SLC26A7: variants seen among roughly 807,000 people sequenced by gnomAD.
The protein encoded by SLC26A7 is solute carrier family 26 member 7, also known as anion exchange transporter.
In SLC26A7, 59 loss-of-function variants were observed where a neutral mutation model predicts 82.5. The ratio of observed to expected loss-of-function variants is 0.72; its 90% confidence interval spans 0.58 to 0.89. The LOEUF is 0.89. Ranked by LOEUF, SLC26A7 falls within the 40% of genes least tolerant of loss-of-function variation. The pLI is 0.00. For missense variants in SLC26A7, 820 were observed against 793.0 expected (o/e 1.03, Z -0.41); for synonymous variants, 271 against 274.3 (o/e 0.99, Z 0.12).
At chr8:91,298,581 A>G (rs1200845298) in intron 4 of SLC26A7, among the ~76,000 whole-genome samples, 1 of 152,188 alleles carries the variant, frequency 6.6e-6, no homozygotes, top group Non-Finnish European at 1.5e-5. Context: ...TACATGGTAG[A>G]TTCTCAGAAA....
intron 5 of SLC26A7, 79 bp downstream of exon 5, chr8:91,318,459 T>A: frequency 7.5e-7 from 1 of 1,325,278 alleles, no homozygotes; most frequent in Non-Finnish European, 1.0e-6. Flanking sequence ...ATTATAGTAC[T>A]GAGATTTTTC....
At chr8:91,286,862 G>A (rs1811725948) in intron 2 of SLC26A7, among the ~76,000 whole-genome samples, 1 of 152,134 alleles carries the variant, frequency 6.6e-6, no homozygotes, top group African/African-American at 2.4e-5. Flanking sequence ...AAATGAATCA[G>A]AAAAAGGAAA....
intron 5 of SLC26A7, among the ~76,000 whole-genome samples, chr8:91,328,643 A>G (rs1812996528): frequency 6.6e-6 from 1 of 152,132 alleles, no homozygotes; most frequent in South Asian, 2.1e-4. Flanking sequence ...TTTATTGAGT[A>G]TCTACTTTTT....
chr8:91,220,233 G>A (rs1050989565), intron 2 of SLC26A7, among the ~76,000 whole-genome samples: 2 of 152,104 alleles, frequency 1.3e-5, no homozygotes, highest in Admixed American at 6.6e-5. Context: ...AAAAAACCAA[G>A]TACAAATGAG....
At chr8:91,345,117 T>C (rs1813526842) in intron 9 of SLC26A7, among the ~76,000 whole-genome samples, 2 of 151,982 alleles carry the variant, frequency 1.3e-5, no homozygotes, top group Admixed American at 1.3e-4. Flanking sequence ...ATTTTTTTTT[T>C]TTCAAATTTT....
intron 2 of SLC26A7, among the ~76,000 whole-genome samples, chr8:91,287,910 G>T (rs1156953476): frequency 2.0e-5 from 3 of 152,116 alleles, no homozygotes; most frequent in Admixed American, 1.3e-4. Flanking sequence ...AACAGCCTCT[G>T]CCACTGACTC....
intron 2 of SLC26A7, among the ~76,000 whole-genome samples, chr8:91,279,137 A>ATATATATATATATGTG (rs1202062551): frequency 1.9e-4 from 19 of 100,362 alleles, no homozygotes; most frequent in African/African-American, 8.5e-4. Flanking sequence ...ATATATATAT[A>ATATATATATATATGTG]TATATATATA....
At chr8:91,348,156 C>T (rs968911898) in intron 9 of SLC26A7, 2 of 186,310 alleles carry the variant, frequency 1.1e-5, no homozygotes, top group Admixed American at 1.3e-4. Flanking sequence ...AAACTGTATT[C>T]CTTTATTCTT....
intron 15 of SLC26A7, among the ~76,000 whole-genome samples, chr8:91,377,947 A>G (rs1814563414): frequency 6.6e-6 from 1 of 152,174 alleles, no homozygotes; most frequent in Non-Finnish European, 1.5e-5. Context: ...GAGAACTGGT[A>G]TCTGATGTTC....
chr8:91,294,615 CA>C (rs1811967461), intron 3 of SLC26A7, among the ~76,000 whole-genome samples: 1 of 152,140 alleles, frequency 6.6e-6, no homozygotes, highest in Admixed American at 6.6e-5. Flanking sequence ...AATGTTTGCA[CA>C]ATGCTGCAGT....
intron 12 of SLC26A7, among the ~76,000 whole-genome samples, chr8:91,362,953 C>T (rs183349763): frequency 6.6e-6 from 1 of 152,118 alleles, no homozygotes; most frequent in African/African-American, 2.4e-5. Flanking sequence ...CCTAGTCTGA[C>T]CAATTCTTTT....
At chr8:91,280,241 T>C (rs1811532663) in intron 2 of SLC26A7, among the ~76,000 whole-genome samples, 1 of 152,220 alleles carries the variant, frequency 6.6e-6, no homozygotes, top group Admixed American at 6.5e-5. Flanking sequence ...TTTCACCTTT[T>C]ATGTGGAAGG....
chr8:91,376,924 T>C (rs1366596242), intron 15 of SLC26A7, among the ~76,000 whole-genome samples: 1 of 152,090 alleles, frequency 6.6e-6, no homozygotes, highest in African/African-American at 2.4e-5. Context: ...TATATAGACT[T>C]TGTCCTTTGG....
chr8:91,220,814 C>T (rs912362546), intron 2 of SLC26A7, among the ~76,000 whole-genome samples: 10 of 152,118 alleles, frequency 6.6e-5, no homozygotes, highest in Admixed American at 1.3e-4. Context: ...AATAAACATA[C>T]GTGTGCATGT....
At chr8:91,223,273 A>G (rs1235200366) in intron 2 of SLC26A7, among the ~76,000 whole-genome samples, 1 of 151,828 alleles carries the variant, frequency 6.6e-6, no homozygotes, top group African/African-American at 2.4e-5. Flanking sequence ...AATTTTTTCA[A>G]AAAACCAGCT....
At chr8:91,263,085 G>A (rs1468210797) in intron 2 of SLC26A7, among the ~76,000 whole-genome samples, 1 of 152,008 alleles carries the variant, frequency 6.6e-6, no homozygotes, top group South Asian at 2.1e-4. Flanking sequence ...GTGATTGGTA[G>A]TAATTTTAGG....
intron 2 of SLC26A7, among the ~76,000 whole-genome samples, chr8:91,260,701 A>G (rs1810938534): frequency 6.6e-6 from 1 of 151,984 alleles, no homozygotes; most frequent in South Asian, 2.1e-4. Flanking sequence ...TTCTGTTTCT[A>G]TTATTTAAGC....
At chr8:91,300,089 T>C (rs1221220499) in intron 4 of SLC26A7, among the ~76,000 whole-genome samples, 1 of 152,222 alleles carries the variant, frequency 6.6e-6, no homozygotes, top group Non-Finnish European at 1.5e-5. Flanking sequence ...CTGACATCTT[T>C]ATGATGTTGA....
At chr8:91,218,326 A>C (rs1810092632) in intron 1 of SLC26A7, among the ~76,000 whole-genome samples, 1 of 101,492 alleles carries the variant, frequency 9.9e-6, no homozygotes, top group African/African-American at 4.3e-5. Context: ...TAAATTGGCT[A>C]ACAGGATTTT....
Sources: gnomAD v4.1 joint callset for allele counts (sites outside exome capture counted in the v4.1 genomes callset) on GRCh38, gnomAD v4.1.1 for gene constraint, MANE v1.5 for transcripts, NCBI Gene and HGNC (gene_info 2026-07-23, HGNC 2026-07-21) for gene names.